Variants in CCDC125 observed in about 807,000 individuals in gnomAD.
CCDC125 encodes coiled-coil domain-containing protein 125.
A neutral mutation model predicts 57.4 loss-of-function variants in CCDC125; 43 were observed. That is an observed-to-expected ratio of 0.75 (90% CI 0.59 to 0.97). CCDC125 has a LOEUF of 0.97. CCDC125 is among the 50% of genes least tolerant of loss of function. The pLI, the probability that CCDC125 is intolerant of heterozygous loss-of-function variation, is 0.00. For synonymous variants in CCDC125, 187 were observed against 195.2 expected (o/e 0.96, Z 0.35); for missense variants, 563 against 595.7 (o/e 0.95, Z 0.57).
chr5:69,328,950 C>T (rs563824746), intron 1 of CCDC125, among the ~76,000 whole-genome samples: 12 of 138,288 alleles, frequency 8.7e-5, no homozygotes, highest in East Asian at 7.0e-4. Context: ...TCCGCCACCA[C>T]GCCCGGCTAA....
At chr5:69,313,534 C>T (rs1758498473) in intron 3 of CCDC125, 1 of 793,476 alleles carries the variant, frequency 1.3e-6, no homozygotes, top group South Asian at 1.3e-5. Flanking sequence ...GATCATTTTG[C>T]TCTTAAGGGG....
chr5:69,314,113 G>C (rs977830485), intron 2 of CCDC125, 67 bp from the exon 3 acceptor site: 151 of 1,092,148 alleles, frequency 1.4e-4, no homozygotes, highest in African/African-American at 1.6e-5. Context: ...ATTAAACATA[G>C]GACATTTGTT....
In CCDC125 at chr5:69,304,036, C is replaced by T. The variant is rs1216770401; in HGVS notation, c.618-107G>A. The T allele has an allele frequency of 8.1e-6, 5 of 617,420 alleles. No individual in the cohort carries two copies. The Admixed American group carries it at 1.4e-4, about 17-fold the overall frequency. 38.2% of individuals were successfully genotyped at this position (617,420 alleles called of 1,614,324 possible). A position where few individuals can be genotyped will look rare whatever the true frequency, so the allele number is the denominator to read the frequency against. ...CACAAAAATCTAAATATAGTTTTTCCTACTTCAAAATAGTCTGGAATTTAC... is the reference window on the plus strand; with the variant it reads ...CACAAAAATCTAAATATAGTTTTTCTTACTTCAAAATAGTCTGGAATTTAC... On this transcript the variant is annotated intron_variant, in intron 6 of 11. Coordinates refer to ENST00000396496, the MANE Select transcript of CCDC125 (RefSeq NM_176816.5).
Position 69,327,094 on chromosome 5 carries a change from CTTT to C in CCDC125, c.-41+5552_-41+5554del, listed in dbSNP as rs34614722. Among the ~76,000 whole-genome samples the C allele has an allele frequency of 8.1e-4, 111 of 136,920 alleles. No homozygotes were observed. The South Asian group carries it at 8.6e-3, about 11-fold the overall frequency. 89.8% of individuals were successfully genotyped at this position (136,920 alleles called of 152,430 possible). A position where few individuals can be genotyped will look rare whatever the true frequency, so the allele number is the denominator to read the frequency against. On this transcript the variant is annotated intron_variant, in intron 1 of 11. Coordinates refer to ENST00000396496, the MANE Select transcript of CCDC125 (RefSeq NM_176816.5). The stretch of plus-strand genomic sequence containing the variant: ...GGACTGCTGACTGTATATTCTCCCA[CTTT>C]TTTTTTTTTTTTTTTGAGACAGCGT...
intron 10 of CCDC125, among the ~76,000 whole-genome samples, chr5:69,287,575 GTT>G (rs1429379540): frequency 2.1e-5 from 3 of 142,958 alleles, no homozygotes; most frequent in Admixed American, 7.0e-5. Flanking sequence ...GTTTTTGGTG[GTT>G]TTTTTTTTTT....
intron 8 of CCDC125, 139 bp downstream of exon 8, chr5:69,299,873 G>T: frequency 1.4e-6 from 1 of 689,930 alleles, no homozygotes; most frequent in African/African-American, 1.8e-5. Context: ...GAACCAACCT[G>T]GGCCCAGGGG....
chr5:69,327,570 G>A (rs1186481267), intron 1 of CCDC125, among the ~76,000 whole-genome samples: 4 of 152,176 alleles, frequency 2.6e-5, no homozygotes, highest in African/African-American at 4.8e-5. Context: ...ATGTGTTAAC[G>A]GAGAAGGCAC....
At chr5:69,308,256 G>T (rs1470732166) in intron 4 of CCDC125, 1 of 567,046 alleles carries the variant, frequency 1.8e-6, no homozygotes, top group Non-Finnish European at 3.1e-6. Context: ...TCCACACAAA[G>T]AAAGTGTTCA....
intron 10 of CCDC125, among the ~76,000 whole-genome samples, chr5:69,290,925 C>T (rs1754354002): frequency 6.6e-6 from 1 of 152,118 alleles, no homozygotes; most frequent in Non-Finnish European, 1.5e-5. Flanking sequence ...CCACGACGCC[C>T]AGCCAACAGG....
intron 10 of CCDC125, among the ~76,000 whole-genome samples, chr5:69,286,962 CT>C (rs1245470433): frequency 1.0e-4 from 15 of 143,024 alleles, no homozygotes; most frequent in African/African-American, 3.4e-4. Flanking sequence ...AGCTGGTAGT[CT>C]GGAGGATTGC....
chr5:69,287,230 T>C (rs1753653052), intron 10 of CCDC125, among the ~76,000 whole-genome samples: 1 of 151,944 alleles, frequency 6.6e-6, no homozygotes, highest in Non-Finnish European at 1.5e-5. Context: ...CTCAAACTTG[T>C]ATAGATTTAT....
intron 5 of CCDC125, chr5:69,307,661 G>A (rs1436347814): frequency 1.7e-5 from 5 of 298,422 alleles, no homozygotes; most frequent in African/African-American, 1.1e-4. Context: ...CAGCCTGGGC[G>A]ACAGAGCAGG....
rs189072781 is a variant in CCDC125 at position 69,297,993 on chromosome 5, A to C, written c.816+2019T>G. ...GTCTCAAAAACAAAACAAAACAAAA[A>C]AATAAATAAAATTAAACTAAAAATA... On this transcript the variant is annotated intron_variant, in intron 8 of 11. Coordinates refer to ENST00000396496, the MANE Select transcript of CCDC125 (RefSeq NM_176816.5). Among the ~76,000 whole-genome samples the C allele has an allele frequency of 1.5e-3, 219 of 149,720 alleles. 2 individuals are homozygous for C. Among genetic ancestry groups the C allele is most frequent in the African/African-American group, 5.2e-3 (214 of 40,790 alleles).
At chr5:69,305,621 G>A (rs1166877075) in intron 6 of CCDC125, among the ~76,000 whole-genome samples, 1 of 152,208 alleles carries the variant, frequency 6.6e-6, no homozygotes, top group South Asian at 2.1e-4. Context: ...CAGAAGGTTT[G>A]CTGAGGGCAG....
At chr5:69,313,123 T>C (rs1347683682) in intron 3 of CCDC125, among the ~76,000 whole-genome samples, 1 of 152,140 alleles carries the variant, frequency 6.6e-6, no homozygotes, top group Admixed American at 6.5e-5. Context: ...TGGGGGGAAC[T>C]TGGTCTTCTT....
At chr5:69,285,310 C>T (rs1371290591) in intron 11 of CCDC125, 27 bp downstream of exon 11, 1 of 1,609,566 alleles carries the variant, frequency 6.2e-7, no homozygotes, top group Non-Finnish European at 8.5e-7. Context: ...TTAACCATAA[C>T]CTGCAAAAAA....
chr5:69,299,300 A>G (rs547194496), intron 8 of CCDC125, among the ~76,000 whole-genome samples: 80 of 152,084 alleles, frequency 5.3e-4, no homozygotes, highest in Middle Eastern at 6.8e-3. Context: ...TAGTAGAGAC[A>G]GGGTTTCACC....
rs577513505 is a variant in CCDC125, at chr5:69,311,003, C to T, written c.453+115G>A. On this transcript the variant is annotated intron_variant, in intron 4 of 11. Coordinates refer to ENST00000396496, the MANE Select transcript of CCDC125 (RefSeq NM_176816.5). Reference sequence around the variant, plus strand: ...TATAAAGCTCTTAAAAATATACATACCTAAAAAAACCCTCAACTATATTAA... The same window carrying T: ...TATAAAGCTCTTAAAAATATACATATCTAAAAAAACCCTCAACTATATTAA... The T allele has an allele frequency of 2.3e-4, 126 of 556,846 alleles. 1 individual carries two copies. In the South Asian group the frequency reaches 2.9e-3, roughly 13 times the overall value. 34.5% of individuals were successfully genotyped at this position (556,846 alleles called of 1,614,324 possible). A position where few individuals can be genotyped will look rare whatever the true frequency, so the allele number is the denominator to read the frequency against.
chr5:69,299,751 A>G (rs778055795), intron 8 of CCDC125, among the ~76,000 whole-genome samples: 9 of 152,222 alleles, frequency 5.9e-5, no homozygotes, highest in Non-Finnish European at 1.0e-4. Flanking sequence ...TACCCAACAC[A>G]GCTTCCGCTA....
Sources: allele counts gnomAD v4.1 joint callset (sites outside exome capture counted in the v4.1 genomes callset), GRCh38; gene constraint gnomAD v4.1.1; transcripts MANE v1.5; gene names NCBI Gene and HGNC (gene_info 2026-07-23, HGNC 2026-07-21).